Variants in RIMBP2 observed in about 807,000 individuals in gnomAD.
The protein encoded by RIMBP2 is RIMS binding protein 2, also known as RIMS-binding protein 2.
Under a neutral mutation model 118.6 loss-of-function variants are expected in RIMBP2, and 48 were observed. That is an observed-to-expected ratio of 0.40 (90% CI 0.32 to 0.51). RIMBP2 has a LOEUF of 0.51. Ranked by LOEUF, RIMBP2 falls within the 20% of genes least tolerant of loss-of-function variation. The pLI is 0.41. For synonymous variants in RIMBP2, 762 were observed against 742.9 expected, an observed-to-expected ratio of 1.03 and a Z score of -0.42; for missense variants, 1,551 against 1,768.3, an observed-to-expected ratio of 0.88 and a Z score of 2.20.
intron 1 of RIMBP2, among the ~76,000 whole-genome samples, chr12:130,707,916 G>A (rs1469317395): frequency 6.6e-6 from 1 of 152,150 alleles, no homozygotes; most frequent in Non-Finnish European, 1.5e-5. Flanking sequence ...GAAATGGGGG[G>A]ATTGAGAGAG....
intron 3 of RIMBP2, among the ~76,000 whole-genome samples, chr12:130,507,544 A>G (rs1048988805): frequency 1.3e-5 from 2 of 152,236 alleles, no homozygotes; most frequent in African/African-American, 4.8e-5. Context: ...CACATGAACT[A>G]GAATGCATTC....
At chr12:130,636,090 C>T (rs1451969750) in intron 1 of RIMBP2, among the ~76,000 whole-genome samples, 4 of 152,158 alleles carry the variant, frequency 2.6e-5, no homozygotes, top group African/African-American at 4.8e-5. Flanking sequence ...TTATGATGAA[C>T]TACTCCTTCC....
At chr12:130,515,612 G>C (rs753505802) in intron 3 of RIMBP2, among the ~76,000 whole-genome samples, 1 of 152,000 alleles carries the variant, frequency 6.6e-6, no homozygotes, top group African/African-American at 2.4e-5. Context: ...TTATTCACTC[G>C]TCCATCAGTG....
At chr12:130,709,525 C>T (rs1949744351) in intron 1 of RIMBP2, among the ~76,000 whole-genome samples, 2 of 152,200 alleles carry the variant, frequency 1.3e-5, no homozygotes, top group Non-Finnish European at 2.9e-5. Flanking sequence ...GCTTTACAGA[C>T]CTGGAGCTGA....
chr12:130,567,790 G>C (rs1176109596), intron 2 of RIMBP2, among the ~76,000 whole-genome samples: 1 of 152,122 alleles, frequency 6.6e-6, no homozygotes, highest in Non-Finnish European at 1.5e-5. Flanking sequence ...AGCCTTGCAG[G>C]GGGAGCCACT....
chr12:130,403,149 A>G (rs565409000), intron 21 of RIMBP2, among the ~76,000 whole-genome samples: 1 of 152,336 alleles, frequency 6.6e-6, no homozygotes, highest in South Asian at 2.1e-4. Context: ...AAGGTTACAG[A>G]TATCAAAACA....
intron 2 of RIMBP2, among the ~76,000 whole-genome samples, chr12:130,539,095 T>C (rs573170268): frequency 6.6e-6 from 1 of 152,182 alleles, no homozygotes; most frequent in Non-Finnish European, 1.5e-5. Flanking sequence ...AAATAAAGTT[T>C]TATTGGAACA....
chr12:130,531,809 A>T (rs993645655), intron 2 of RIMBP2, among the ~76,000 whole-genome samples: 5 of 152,270 alleles, frequency 3.3e-5, no homozygotes, highest in Non-Finnish European at 7.3e-5. Flanking sequence ...CTTCCATGAG[A>T]GTCAAAACCC....
At chr12:130,611,466 C>T (rs2060544783) in intron 2 of RIMBP2, among the ~76,000 whole-genome samples, 1 of 152,362 alleles carries the variant, frequency 6.6e-6, no homozygotes, top group Non-Finnish European at 1.5e-5. Context: ...TTACCCGCAT[C>T]TCTGCCCCCG....
chr12:130,617,951 G>T lies in RIMBP2; in HGVS notation c.-217+10371C>A, dbSNP rs2061050312. On this transcript the variant is annotated intron_variant, in intron 2 of 22. Coordinates refer to ENST00000690449, the MANE Select transcript of RIMBP2 (RefSeq NM_001393629.1). This position sits in a 1 kb window ranked among gnomAD's most constrained non-coding sequence, Gnocchi z 4.6. ...CCACGCCTGTAATCCCAGTACCTTG[G>T]GACGCTGAGGCGGGAGGATCACTTG... Among the ~76,000 whole-genome samples the T allele has an allele frequency of 7.1e-6, 1 of 140,906 alleles. No homozygotes were observed. The highest frequency in any genetic ancestry group is 2.7e-5 in the African/African-American group (1 of 37,726). 92.4% of individuals were successfully genotyped at this position (140,906 alleles called of 152,430 possible). A position where few individuals can be genotyped will look rare whatever the true frequency, so the allele number is the denominator to read the frequency against.
At chr12:130,550,862 A>G (rs978239403) in intron 2 of RIMBP2, among the ~76,000 whole-genome samples, 1 of 152,240 alleles carries the variant, frequency 6.6e-6, no homozygotes, top group African/African-American at 2.4e-5. Context: ...AAGTTTTAAA[A>G]TGACATTTAT....
At chr12:130,550,474 T>C (rs567011633) in intron 2 of RIMBP2, among the ~76,000 whole-genome samples, 59 of 152,344 alleles carry the variant, frequency 3.9e-4, no homozygotes, top group Non-Finnish European at 5.9e-4. Flanking sequence ...GTCTGTACTT[T>C]AATTATATTG....
intron 2 of RIMBP2, among the ~76,000 whole-genome samples, chr12:130,566,656 G>A (rs77232100): frequency 0.013 from 2,024 of 152,322 alleles, 46 homozygotes; most frequent in African/African-American, 0.046. Flanking sequence ...CTGAGCCTCC[G>A]GACTCTGCAG....
At chr12:130,412,999 A>G (rs2075836885) in intron 18 of RIMBP2, among the ~76,000 whole-genome samples, 1 of 152,086 alleles carries the variant, frequency 6.6e-6, no homozygotes, top group East Asian at 1.9e-4. Context: ...CCAGTTTTTC[A>G]TCTAGTGTTT....
intron 20 of RIMBP2, among the ~76,000 whole-genome samples, chr12:130,406,966 C>T (rs1022966856): frequency 2.0e-5 from 3 of 152,184 alleles, no homozygotes; most frequent in Admixed American, 6.5e-5. Flanking sequence ...TCAGTGTCTA[C>T]GATGGGCCGG....
intron 1 of RIMBP2, among the ~76,000 whole-genome samples, chr12:130,684,323 T>C (rs1289102174): frequency 1.3e-5 from 2 of 152,162 alleles, no homozygotes; most frequent in Non-Finnish European, 2.9e-5. Flanking sequence ...CTCCCAAAAA[T>C]GTATAAAACC....
chr12:130,583,675 C>T (rs1041973484), intron 2 of RIMBP2, among the ~76,000 whole-genome samples: 5 of 151,430 alleles, frequency 3.3e-5, no homozygotes, highest in South Asian at 2.1e-4. Flanking sequence ...ATCACTATCA[C>T]GACTATTACA....
chr12:130,612,115 C>G (rs1283108090), intron 2 of RIMBP2, among the ~76,000 whole-genome samples: 3 of 152,090 alleles, frequency 2.0e-5, no homozygotes, highest in Non-Finnish European at 4.4e-5. Context: ...TCACACAGCA[C>G]AGCTCAGAGT....
intron 4 of RIMBP2, among the ~76,000 whole-genome samples, chr12:130,500,830 G>A (rs1055965839): frequency 1.2e-4 from 18 of 152,078 alleles, no homozygotes; most frequent in African/African-American, 4.4e-4. Context: ...CACAGGATTT[G>A]GGAACAAAGG....
Sources: gnomAD v4.1 joint callset for allele counts (sites outside exome capture counted in the v4.1 genomes callset) on GRCh38, gnomAD v4.1.1 for gene constraint, Gnocchi (gnomAD v3.1) non-coding constraint, MANE v1.5 for transcripts, NCBI Gene and HGNC (gene_info 2026-07-23, HGNC 2026-07-21) for gene names.